Variants in KREMEN1 observed in about 807,000 individuals in gnomAD.
KREMEN1 encodes kremen protein 1.
In KREMEN1, 30 loss-of-function variants were observed where a neutral mutation model predicts 46.5. The ratio of observed to expected loss-of-function variants is 0.65; its 90% CI spans 0.48 to 0.88. The LOEUF (loss-of-function observed/expected upper bound fraction) is 0.88. Among genes scored for constraint, KREMEN1 ranks in the 40% least tolerant of loss-of-function variants. The probability of loss-of-function intolerance (pLI) is 0.00; values close to 1 mark genes in which losing one functional copy is unlikely to be tolerated. For synonymous variants in KREMEN1, 214 were observed against 230.6 expected (o/e 0.93, Z 0.65); for missense variants, 533 against 596.9 (o/e 0.89, Z 1.11).
At chr22:29,108,480 C>A (rs559451633) in intron 3 of KREMEN1, among the ~76,000 whole-genome samples, 1 of 152,132 alleles carries the variant, frequency 6.6e-6, no homozygotes, top group Non-Finnish European at 1.5e-5. Context: ...CTCATTGGTG[C>A]CTTCCAGAGT....
chr22:29,088,301 G>A (rs568711327), intron 1 of KREMEN1, among the ~76,000 whole-genome samples: 126 of 110,502 alleles, frequency 1.1e-3, no homozygotes, highest in Non-Finnish European at 1.5e-3. Context: ...GCGTGCACGC[G>A]TGCATACACA....
intron 3 of KREMEN1, among the ~76,000 whole-genome samples, chr22:29,114,757 A>G (rs1259435906): frequency 6.6e-6 from 1 of 152,182 alleles, no homozygotes; most frequent in Non-Finnish European, 1.5e-5. Flanking sequence ...CAGATACTAG[A>G]ACATAAAAAA....
chr22:29,155,837 T>C (rs1270466692), intron 9 of KREMEN1, among the ~76,000 whole-genome samples: 1 of 151,866 alleles, frequency 6.6e-6, no homozygotes, highest in East Asian at 1.9e-4. Context: ...CGCGTGCCTG[T>C]AATCCCAGCT....
intron 9 of KREMEN1, among the ~76,000 whole-genome samples, chr22:29,152,408 C>A (rs2038921944): frequency 6.6e-6 from 1 of 152,202 alleles, no homozygotes; most frequent in Non-Finnish European, 1.5e-5. Context: ...CTGCTAATAC[C>A]CATGAGTTGG....
At position 29,144,754 on chromosome 22, in the gene KREMEN1, T is replaced by C. The variant is rs17451302; in HGVS notation, c.*2642T>C. On this transcript the variant is annotated 3_prime_UTR_variant, in exon 9 of 9. Coordinates refer to ENST00000400335, the MANE Select transcript of KREMEN1 (RefSeq NM_001039570.3). ...TTGTTCAGTTGCCTGGGGCTGACAC[T>C]GACCACTGGCCTCTGGGGTGTCCTG... The C allele has an allele frequency of 0.048, 47,264 of 985,498 alleles. 1,272 individuals are homozygous for C. The highest frequency in any genetic ancestry group is 0.053 in the Non-Finnish European group (44,329 of 829,962). The allele number at this position is 985,498 out of a possible 1,614,324, so 61.0% of individuals were successfully genotyped here.
Position 29,091,225 on chromosome 22 carries a change from G to A in KREMEN1, c.98-3033G>A, listed in dbSNP as rs533735917. 5.3e-5 allele frequency among the ~76,000 whole-genome samples: 8 copies of A among 152,190 alleles called. No individual in the cohort carries two copies. The South Asian group carries it at 1.5e-3, about 28-fold the overall frequency. On this transcript the variant is annotated intron_variant, in intron 1 of 8. Transcript: ENST00000400335. ...TGACCTCAGGTGATCCGCTCGCCTCGGCCTCCCAAAGTGCTGGGATTACAG... is the reference window on the plus strand; with the variant it reads ...TGACCTCAGGTGATCCGCTCGCCTCAGCCTCCCAAAGTGCTGGGATTACAG...
intron 3 of KREMEN1, among the ~76,000 whole-genome samples, chr22:29,102,536 AG>A (rs1458483301): frequency 6.6e-6 from 1 of 152,158 alleles, no homozygotes; most frequent in African/African-American, 2.4e-5. Context: ...AGTGGTAAAG[AG>A]GGGGTTTCAA....
intron 1 of KREMEN1, among the ~76,000 whole-genome samples, chr22:29,074,413 C>CAGGCCA (rs921961998): frequency 7.9e-5 from 12 of 152,260 alleles, no homozygotes; most frequent in African/African-American, 1.7e-4. Flanking sequence ...ACTCACTACC[C>CAGGCCA]AGGCCAAGGC....
rs750354839 is a variant in KREMEN1, at chr22:29,137,645, A to G, written c.935A>G (p.Gln312Arg). 6.3e-6 allele frequency: 10 copies of G among 1,597,548 alleles called. No individual in the cohort carries two copies. The South Asian group carries it at 7.7e-5, about 12-fold the overall frequency. Residue 312 changes from glutamine to arginine, a missense_variant, in exon 6 of 9, where the codon CAG becomes CGG. Transcript: ENST00000400335. ...ILYFFSDRIN[Q>R]AQGFAVLYQA... is the part of the protein sequence containing the mutation. ...TATTTCTTCTCTGATCGCATCAATCAGGCCCAGGGATTTGCTGTTTTATAC... is the reference window on the plus strand; with the variant it reads ...TATTTCTTCTCTGATCGCATCAATCGGGCCCAGGGATTTGCTGTTTTATAC...
chr22:29,157,873 C>T (rs1466523958), intron 9 of KREMEN1, among the ~76,000 whole-genome samples: 1 of 152,228 alleles, frequency 6.6e-6, no homozygotes, highest in African/African-American at 2.4e-5. Flanking sequence ...GTGTCACAAA[C>T]AGGCAGGTCA....
chr22:29,136,345 G>A (rs934321713), intron 5 of KREMEN1, among the ~76,000 whole-genome samples: 3 of 151,838 alleles, frequency 2.0e-5, no homozygotes, highest in Admixed American at 6.5e-5. Flanking sequence ...AGGCCGGGAC[G>A]GGTGGATCAC....
At chr22:29,078,989 A>T (rs2037614469) in intron 1 of KREMEN1, among the ~76,000 whole-genome samples, 2 of 152,142 alleles carry the variant, frequency 1.3e-5, no homozygotes, top group Admixed American at 1.3e-4. Flanking sequence ...GTCTAGGAGG[A>T]GCAGTCTGAG....
At chr22:29,149,811 G>A (rs1247420105), downstream of KREMEN1, among the ~76,000 whole-genome samples, 1 of 152,106 alleles carries the variant, frequency 6.6e-6, no homozygotes, top group Non-Finnish European at 1.5e-5. Flanking sequence ...TGCAGATATT[G>A]GAGAATCCAC....
At chr22:29,112,317 T>G (rs1333586956) in intron 3 of KREMEN1, among the ~76,000 whole-genome samples, 1 of 152,130 alleles carries the variant, frequency 6.6e-6, no homozygotes, top group Non-Finnish European at 1.5e-5. Flanking sequence ...GAGCCCTTTG[T>G]CTTGTCCCCA....
At chr22:29,128,061 G>T (rs1205288134) in intron 5 of KREMEN1, among the ~76,000 whole-genome samples, 1 of 152,154 alleles carries the variant, frequency 6.6e-6, no homozygotes, top group Non-Finnish European at 1.5e-5. Flanking sequence ...CCAGATTCCG[G>T]GTTGCCAAGG....
intron 9 of KREMEN1, among the ~76,000 whole-genome samples, chr22:29,160,875 T>C (rs1177850317): frequency 1.3e-5 from 2 of 151,882 alleles, no homozygotes; most frequent in East Asian, 3.9e-4. Context: ...ATAACTAAAA[T>C]CAGAGTAGAA....
At chr22:29,162,116 C>CAA (rs916172669) in intron 9 of KREMEN1, among the ~76,000 whole-genome samples, 18 of 118,786 alleles carry the variant, frequency 1.5e-4, no homozygotes, top group African/African-American at 4.4e-4. Context: ...GACTCTACCT[C>CAA]AAAAAAAAAA....
At chr22:29,126,217 C>A (rs2038440307) in intron 5 of KREMEN1, among the ~76,000 whole-genome samples, 1 of 152,006 alleles carries the variant, frequency 6.6e-6, no homozygotes, top group African/African-American at 2.4e-5. Context: ...CTCAACCAGG[C>A]AGCATGGCTA....
intron 1 of KREMEN1, 58 bp from the exon 2 acceptor site, chr22:29,094,200 G>A (rs963988707): frequency 4.0e-5 from 58 of 1,438,604 alleles, no homozygotes; most frequent in Non-Finnish European, 5.1e-5. Flanking sequence ...AACCAAAGAG[G>A]GAGGAAACCA....
Sources: gnomAD v4.1 joint callset for allele counts (sites outside exome capture counted in the v4.1 genomes callset) on GRCh38, gnomAD v4.1.1 for gene constraint, MANE v1.5 for transcripts, NCBI Gene and HGNC (gene_info 2026-07-23, HGNC 2026-07-21) for gene names.